SCN7A: variants seen among roughly 807,000 people sequenced by gnomAD.
SCN7A encodes the protein sodium channel protein type 7 subunit alpha.
Under a neutral mutation model 155.2 loss-of-function variants are expected in SCN7A, and 138 were observed. The ratio of observed to expected loss-of-function variants is 0.89; its 90% CI spans 0.77 to 1.02. The LOEUF is 1.02. Ranked by LOEUF, SCN7A falls within the 50% of genes least tolerant of loss-of-function variation. The probability of loss-of-function intolerance (pLI) is 0.00; values close to 1 mark genes in which losing one functional copy is unlikely to be tolerated. For synonymous variants in SCN7A, 693 were observed against 649.0 expected, an observed-to-expected ratio of 1.07 and a Z score of -1.03; for missense variants, 2,058 against 1,986.6, an observed-to-expected ratio of 1.04 and a Z score of -0.68.
chr2:166,461,251 G>T (rs1268641713), intron 10 of SCN7A, among the ~76,000 whole-genome samples: 1 of 151,868 alleles, frequency 6.6e-6, no homozygotes, highest in Non-Finnish European at 1.5e-5. Context: ...GCATGGACTG[G>T]ATGTGTATGT....
At chr2:166,428,066 A>G in intron 17 of SCN7A, 124 bp from the exon 18 acceptor site, 2 of 984,688 alleles carry the variant, frequency 2.0e-6, no homozygotes, top group Non-Finnish European at 2.9e-6. Flanking sequence ...GTTGTCTCTG[A>G]TTTATAAACA....
intron 2 of SCN7A, among the ~76,000 whole-genome samples, chr2:166,478,375 G>A (rs1702848631): frequency 6.6e-6 from 1 of 151,188 alleles, no homozygotes; most frequent in Non-Finnish European, 1.5e-5. Flanking sequence ...TTAAGGGTTT[G>A]CCTTCTTCCT....
chr2:166,489,737 G>A (rs933065615), intron 1 of SCN7A, among the ~76,000 whole-genome samples: 3 of 152,110 alleles, frequency 2.0e-5, no homozygotes, highest in African/African-American at 7.2e-5. Flanking sequence ...GATTCTGACT[G>A]CAGCTATGTT....
rs35675449 is a variant in SCN7A at position 166,404,824 on chromosome 2, G to GAAAAAAAAAAAA, written c.*744_*755dup. ...AAATAGGTGTAAATGAGAAGAAAAT[G>GAAAAAAAAAAAA]AAAAAAAAAAAAAAAAAAAAGGCTA... is the stretch of plus-strand genomic sequence containing the variant. On this transcript the variant is annotated 3_prime_UTR_variant, in exon 26 of 26. Transcript: ENST00000643258. 5.9e-4 allele frequency: 37 copies of GAAAAAAAAAAAA among 62,532 alleles called. 1 individual carries two copies. Among genetic ancestry groups the GAAAAAAAAAAAA allele is most frequent in the Non-Finnish European group, 7.0e-4 (21 of 30,134 alleles). The allele number at this position is 62,532 out of a possible 1,614,324, so 3.9% of individuals were successfully genotyped here.
chr2:166,479,047 G>A (rs1250052813), intron 2 of SCN7A, among the ~76,000 whole-genome samples: 4 of 151,650 alleles, frequency 2.6e-5, no homozygotes, highest in Non-Finnish European at 5.9e-5. Context: ...TTTTATTATT[G>A]CAATTAAAGA....
chr2:166,431,758 T>C (rs1184052072), intron 16 of SCN7A, among the ~76,000 whole-genome samples: 2 of 152,086 alleles, frequency 1.3e-5, no homozygotes, highest in Non-Finnish European at 2.9e-5. Flanking sequence ...TGGGAGGTTT[T>C]AAAAATTCCT....
chr2:166,465,624 C>A, intron 8 of SCN7A, 93 bp from the exon 9 acceptor site: 1 of 1,222,720 alleles, frequency 8.2e-7, no homozygotes, highest in Non-Finnish European at 1.2e-6. Context: ...GCTAAAATAC[C>A]TTTCTGCAAT....
chr2:166,404,826 A>T lies in SCN7A; in HGVS notation c.*754T>A, dbSNP rs1371427090. The stretch of plus-strand genomic sequence containing the variant: ...ATAGGTGTAAATGAGAAGAAAATGA[A>T]AAAAAAAAAAAAAAAAAAGGCTATA... On this transcript the variant is annotated 3_prime_UTR_variant, in exon 26 of 26. Transcript: ENST00000643258. The T allele has an allele frequency of 8.4e-6, 1 of 119,454 alleles. No homozygotes were observed. The highest frequency in any genetic ancestry group is 1.7e-5 in the Non-Finnish European group (1 of 58,654). 7.4% of individuals were successfully genotyped at this position (119,454 alleles called of 1,614,324 possible).
At chr2:166,479,002 TTTTC>T (rs1260623474) in intron 2 of SCN7A, among the ~76,000 whole-genome samples, 1 of 152,092 alleles carries the variant, frequency 6.6e-6, no homozygotes, top group African/African-American at 2.4e-5. Context: ...AAAGATTGAT[TTTTC>T]TTTATTTGTT....
Position 166,441,674 on chromosome 2 carries a change from G to A in SCN7A, c.1879C>T (p.Leu627=), listed in dbSNP as rs201876127. 6.3e-5 allele frequency: 101 copies of A among 1,613,806 alleles called. No individual in the cohort carries two copies. In the East Asian group the frequency reaches 2.2e-3, roughly 35 times the overall value. ...MWSLSNSWVA[L]KDLVLLLFTF... is the part of the protein sequence containing the mutation. ...AACAACAACAGGACCAAGTCTTTCA[G>A]GGCCACCCATGAGTTACTAAGAGAC... The change falls in exon 15 of 26, where the codon CTG becomes TTG. Residue 627 remains leucine, a synonymous_variant. Coordinates refer to ENST00000643258, the MANE Select transcript of SCN7A (RefSeq NM_002976.4).
intron 7 of SCN7A, among the ~76,000 whole-genome samples, chr2:166,467,500 TAC>T (rs533548551): frequency 4.9e-4 from 72 of 148,106 alleles, no homozygotes; most frequent in African/African-American, 8.1e-4. Flanking sequence ...TATATATATA[TAC>T]ACACACACAC....
rs1184175058 is a variant in SCN7A, at chr2:166,404,579, C to T, written c.*1001G>A. On this transcript the variant is annotated 3_prime_UTR_variant, in exon 26 of 26. Coordinates refer to ENST00000643258, the MANE Select transcript of SCN7A (RefSeq NM_002976.4). ...AGTAAAAAGTACTTTAAAGTTGCCA[C>T]AACTTTCCAATTAAGGGCCAAGACA... 6.6e-6 allele frequency: 1 copy of T among 151,706 alleles called. No homozygotes were observed. Among genetic ancestry groups the T allele is most frequent in the Admixed American group, 6.6e-5 (1 of 15,184 alleles). The allele number at this position is 151,706 out of a possible 1,614,324, so 9.4% of individuals were successfully genotyped here.
chr2:166,415,017 T>C (rs1701343449), intron 21 of SCN7A, among the ~76,000 whole-genome samples: 1 of 134,566 alleles, frequency 7.4e-6, no homozygotes, highest in Admixed American at 8.2e-5. Flanking sequence ...TATATATTAT[T>C]ATATAGGATA....
At chr2:166,471,807 G>A (rs1702664447) in intron 6 of SCN7A, among the ~76,000 whole-genome samples, 1 of 151,396 alleles carries the variant, frequency 6.6e-6, no homozygotes, top group African/African-American at 2.4e-5. Context: ...TACATGCAAC[G>A]TAGATTGGGA....
Position 166,404,492 on chromosome 2 carries a change from C to A in SCN7A, c.*1088G>T, listed in dbSNP as rs868402867. 1 of 151,770 alleles carries A rather than the reference C, an allele frequency of 6.6e-6. No individual in the cohort carries two copies. The highest frequency in any genetic ancestry group is 1.5e-5 in the Non-Finnish European group (1 of 67,878). The allele number at this position is 151,770 out of a possible 1,614,324, so 9.4% of individuals were successfully genotyped here. A position where few individuals can be genotyped will look rare whatever the true frequency, so the allele number is the denominator to read the frequency against. ...AAATTTAAACTTTTATCTCCTAATT[C>A]ATAGTTCTCATAGTTTGAGTGACCA... On this transcript the variant is annotated 3_prime_UTR_variant, in exon 26 of 26. Transcript: ENST00000643258.
At chr2:166,446,849 G>A (rs141563296) in intron 12 of SCN7A, among the ~76,000 whole-genome samples, 1 of 152,074 alleles carries the variant, frequency 6.6e-6, no homozygotes, top group Non-Finnish European at 1.5e-5. Flanking sequence ...CAGGGAGGTG[G>A]GCATCACACG....
rs2105354065 is a variant in SCN7A at position 166,405,870 on chromosome 2, C to T, written c.4759G>A (p.Gly1587Ser). 6.2e-7 allele frequency: 1 copy of T among 1,613,098 alleles called. No homozygotes were observed. The highest frequency in any genetic ancestry group is 8.5e-7 in the Non-Finnish European group (1 of 1,179,380). The change falls in exon 26 of 26, where the codon GGT becomes AGT. Residue 1587 changes from glycine (G) to serine (S), a missense_variant. Coordinates refer to ENST00000643258, the MANE Select transcript of SCN7A (RefSeq NM_002976.4). ...ILLAFTKRVM[G>S]QDVRMEKVVS... ...ACTTTCTCCATCCTCACATCTTGAC[C>T]CATAACTCTCTTTGTAAAAGCAAGT...
chr2:166,417,363 C>T (rs1056273638), intron 20 of SCN7A, among the ~76,000 whole-genome samples: 1 of 152,022 alleles, frequency 6.6e-6, no homozygotes, highest in African/African-American at 2.4e-5. Flanking sequence ...GTCCCAACTA[C>T]TCGGGAGGCT....
At chr2:166,472,184 G>T in intron 6 of SCN7A, 133 bp downstream of exon 6, 1 of 810,316 alleles carries the variant, frequency 1.2e-6, no homozygotes, top group Non-Finnish European at 1.9e-6. Context: ...AGCTCACTAT[G>T]ACCATAACTT....
Sources: allele counts gnomAD v4.1 joint callset (sites outside exome capture counted in the v4.1 genomes callset), GRCh38; gene constraint gnomAD v4.1.1; transcripts MANE v1.5; gene names NCBI Gene and HGNC (gene_info 2026-07-23, HGNC 2026-07-21).